The following GNA12 variants were observed in gnomAD, a reference collection of about 807,000 sequenced individuals.
GNA12 encodes the protein guanine nucleotide-binding protein subunit alpha-12.
Under a neutral mutation model 26.0 loss-of-function variants are expected in GNA12, and 9 were observed. That is an observed-to-expected ratio of 0.35 (90% CI 0.21 to 0.60). The LOEUF (loss-of-function observed/expected upper bound fraction) is 0.60, where lower values mean the gene tolerates loss of function less well. Ranked by LOEUF, GNA12 falls within the 20% of genes least tolerant of loss-of-function variation. GNA12 has a pLI of 0.78. For synonymous variants in GNA12, 264 were observed against 219.6 expected, an observed-to-expected ratio of 1.20 and a Z score of -1.79; for missense variants, 405 against 525.8, an observed-to-expected ratio of 0.77 and a Z score of 2.25.
At position 2,740,820 on chromosome 7, in the gene GNA12, G is replaced by A. The variant is rs150764843; in HGVS notation, c.526-7319C>T. On this transcript the variant is annotated intron_variant, in intron 2 of 3. Coordinates refer to ENST00000275364, the MANE Select transcript of GNA12 (RefSeq NM_007353.3). ...AGCACTTTGGGAGGCCGAGGCGGAC[G>A]GATCACGAGGTCGAGAGATCTAGAC... is the stretch of plus-strand genomic sequence containing the variant. 5.1e-4 allele frequency among the ~76,000 whole-genome samples: 78 copies of A among 152,278 alleles called. 2 individuals are homozygous for A. The East Asian group carries it at 9.6e-3, about 19-fold the overall frequency.
intron 2 of GNA12, chr7:2,762,848 A>G: frequency 6.7e-7 from 1 of 1,483,360 alleles, no homozygotes; most frequent in Non-Finnish European, 9.0e-7. Context: ...GCGGCTCCGA[A>G]GCAGGAGAGG....
intron 2 of GNA12, among the ~76,000 whole-genome samples, chr7:2,776,588 G>A (rs1792083133): frequency 6.6e-6 from 1 of 152,148 alleles, no homozygotes; most frequent in Admixed American, 6.5e-5. Flanking sequence ...AAGAGGGGCT[G>A]GGAAGGAGGC....
At chr7:2,826,639 G>C (rs1011119124) in intron 1 of GNA12, among the ~76,000 whole-genome samples, 1 of 152,172 alleles carries the variant, frequency 6.6e-6, no homozygotes, top group Non-Finnish European at 1.5e-5. Context: ...GCCACGGAAA[G>C]ACACAGAAAC....
At chr7:2,744,280 G>A (rs1790657977) in intron 2 of GNA12, among the ~76,000 whole-genome samples, 1 of 152,220 alleles carries the variant, frequency 6.6e-6, no homozygotes, top group Non-Finnish European at 1.5e-5. Context: ...AGTAGGGGCG[G>A]ACTGACACCT....
At chr7:2,748,861 G>C (rs1454386295) in intron 2 of GNA12, among the ~76,000 whole-genome samples, 1 of 152,154 alleles carries the variant, frequency 6.6e-6, no homozygotes, top group African/African-American at 2.4e-5. Flanking sequence ...GACATGAACA[G>C]ACACTTCTCA....
At chr7:2,748,320 C>T (rs1260693594) in intron 2 of GNA12, among the ~76,000 whole-genome samples, 1 of 152,130 alleles carries the variant, frequency 6.6e-6, no homozygotes, top group Non-Finnish European at 1.5e-5. Flanking sequence ...ACACATAGAC[C>T]AATGGAACAG....
At chr7:2,774,839 C>G (rs914546611) in intron 2 of GNA12, among the ~76,000 whole-genome samples, 1 of 152,152 alleles carries the variant, frequency 6.6e-6, no homozygotes, top group African/African-American at 2.4e-5. Flanking sequence ...ACGCAGCTAT[C>G]TGTGTTACTG....
chr7:2,741,990 A>ACAG, intron 2 of GNA12, among the ~76,000 whole-genome samples: 1 of 151,910 alleles, frequency 6.6e-6, no homozygotes, highest in Admixed American at 6.6e-5. Flanking sequence ...ATGCCTCTTT[A>ACAG]GTTTCATTTA....
intron 1 of GNA12, among the ~76,000 whole-genome samples, chr7:2,817,517 T>C (rs1256704398): frequency 6.6e-6 from 1 of 152,228 alleles, no homozygotes; most frequent in Non-Finnish European, 1.5e-5. Flanking sequence ...TCACTCACTC[T>C]GCTCTGCCCA....
At chr7:2,790,254 T>C (rs1368484296) in intron 2 of GNA12, among the ~76,000 whole-genome samples, 2 of 152,220 alleles carry the variant, frequency 1.3e-5, no homozygotes, top group African/African-American at 4.8e-5. Context: ...ATTTTTCAAT[T>C]ACATATTTTT....
intron 2 of GNA12, among the ~76,000 whole-genome samples, chr7:2,741,562 C>T (rs1482320670): frequency 6.6e-6 from 1 of 152,120 alleles, no homozygotes; most frequent in Admixed American, 6.5e-5. Context: ...AATTCCAAGT[C>T]TCTTTGGGGC....
At chr7:2,755,416 TTTC>T (rs1408130138) in intron 2 of GNA12, among the ~76,000 whole-genome samples, 16 of 152,186 alleles carry the variant, frequency 1.1e-4, no homozygotes, top group African/African-American at 3.1e-4. Flanking sequence ...TTAGATCTCA[TTTC>T]TTGAGTGTTT....
intron 1 of GNA12, among the ~76,000 whole-genome samples, chr7:2,840,165 A>G (rs989808809): frequency 1.2e-4 from 18 of 152,184 alleles, no homozygotes; most frequent in African/African-American, 4.3e-4. Context: ...GTTCTACAGA[A>G]CATAATCACT....
rs3074427 is a variant in GNA12, at chr7:2,759,140, AAAATAAATAAATAAATAAAT to A, written c.526-25659_526-25640del. 6.5e-3 allele frequency among the ~76,000 whole-genome samples: 942 copies of A among 144,756 alleles called. 11 individuals are homozygous for A. The highest frequency in any genetic ancestry group is 0.023 in the African/African-American group (880 of 38,530). The allele number at this position is 144,756 out of a possible 152,430, so 95.0% of individuals were successfully genotyped here. ...GGGCCACAGAGCAAAACACTGTCTC[AAAATAAATAAATAAATAAAT>A]AAATAAATAAATAAATAAATAAATA... On this transcript the variant is annotated intron_variant, in intron 2 of 3. Transcript: ENST00000275364.
At chr7:2,742,024 ATTTTTTTATTTTTTTG>A in intron 2 of GNA12, among the ~76,000 whole-genome samples, 1 of 151,090 alleles carries the variant, frequency 6.6e-6, no homozygotes, top group Admixed American at 6.6e-5. Context: ...GAATTTTTTT[ATTTTTTTATTTTTTTG>A]AGATGGAGTC....
rs189523368 is a variant in GNA12, at chr7:2,745,111, G to T, written c.526-11610C>A. Among the ~76,000 whole-genome samples the T allele has an allele frequency of 5.0e-3, 761 of 152,336 alleles. 6 individuals are homozygous for T. Among genetic ancestry groups the T allele is most frequent in the African/African-American group, 0.017 (700 of 41,572 alleles). Reference sequence around the variant, plus strand: ...AAACACTCTGCAGGATATTATCCAGGAAAACTTCCCCAATCTAGCAAGGCA... The same window carrying T: ...AAACACTCTGCAGGATATTATCCAGTAAAACTTCCCCAATCTAGCAAGGCA... On this transcript the variant is annotated intron_variant, in intron 2 of 3. Coordinates refer to ENST00000275364, the MANE Select transcript of GNA12 (RefSeq NM_007353.3).
chr7:2,771,577 T>C (rs1791950263), intron 2 of GNA12, among the ~76,000 whole-genome samples: 1 of 152,160 alleles, frequency 6.6e-6, no homozygotes, highest in Non-Finnish European at 1.5e-5. Flanking sequence ...TTGTGTGGCC[T>C]CCTGCACTTG....
intron 2 of GNA12, among the ~76,000 whole-genome samples, chr7:2,789,424 C>T (rs908505372): frequency 2.0e-5 from 3 of 151,328 alleles, no homozygotes; most frequent in Non-Finnish European, 3.0e-5. Context: ...CGTGAGCCAC[C>T]GCGCCCGGCC....
intron 1 of GNA12, among the ~76,000 whole-genome samples, chr7:2,842,004 G>A (rs865825146): frequency 3.2e-5 from 3 of 93,646 alleles, no homozygotes. Context: ...AGAGAGGTAG[G>A]GAGGGAGGGA....
Sources: gnomAD v4.1 joint callset for allele counts (sites outside exome capture counted in the v4.1 genomes callset) on GRCh38, gnomAD v4.1.1 for gene constraint, MANE v1.5 for transcripts, NCBI Gene and HGNC (gene_info 2026-07-23, HGNC 2026-07-21) for gene names.